NEMP1: variants seen among roughly 807,000 people sequenced by gnomAD.
The protein encoded by NEMP1 is transmembrane protein 194.
A neutral mutation model predicts 53.7 loss-of-function variants in NEMP1; 29 were observed. That is an observed-to-expected ratio of 0.54 (90% confidence interval 0.40 to 0.74). The LOEUF is 0.74. Among genes scored for constraint, NEMP1 ranks in the 30% least tolerant of loss-of-function variants. The pLI is 0.00. For synonymous variants in NEMP1, 193 were observed against 192.9 expected, an observed-to-expected ratio of 1.00 and a Z score of 0.00; for missense variants, 477 against 528.6, an observed-to-expected ratio of 0.90 and a Z score of 0.96.
chr12:57,081,996 A>T (rs1333336741), upstream of NEMP1, among the ~76,000 whole-genome samples: 1 of 152,076 alleles, frequency 6.6e-6, no homozygotes, highest in Non-Finnish European at 1.5e-5. Context: ...AGGCGGGCGA[A>T]TCACGAGATC....
rs1274362481 is a variant in NEMP1 at position 57,070,783 on chromosome 12, T to A, written c.363A>T (p.Lys121Asn). Residue 121 changes from lysine to asparagine, a missense_variant, in exon 3 of 9, where the codon AAA becomes AAT. Coordinates refer to ENST00000300128, the MANE Select transcript of NEMP1 (RefSeq NM_001130963.2). ...SIWNFFSSFL[K>N]EKLNDTYVNV... is the part of the protein sequence containing the mutation. ...TAACATAGGTGTCATTCAATTTCTCTTTTAAAAAGGAGGAAAAAAAGTTCC... is the reference window on the plus strand; with the variant it reads ...TAACATAGGTGTCATTCAATTTCTCATTTAAAAAGGAGGAAAAAAAGTTCC... 1 of 1,612,290 alleles carries A rather than the reference T, an allele frequency of 6.2e-7. No individual in the cohort carries two copies. The highest frequency in any genetic ancestry group is 1.7e-5 in the Admixed American group (1 of 59,956).
upstream of NEMP1, among the ~76,000 whole-genome samples, chr12:57,080,391 C>T (rs2032809849): frequency 6.6e-6 from 1 of 151,910 alleles, no homozygotes. Context: ...CCAGCCTGGC[C>T]AACATGGCAA....
intron 7 of NEMP1, among the ~76,000 whole-genome samples, chr12:57,062,046 A>G (rs2031835855): frequency 6.6e-6 from 1 of 152,228 alleles, no homozygotes; most frequent in Non-Finnish European, 1.5e-5. Context: ...AACTGAAAGC[A>G]TCACCTTGAC....
chr12:57,062,481 A>T (rs766177956), intron 7 of NEMP1, among the ~76,000 whole-genome samples: 1 of 149,828 alleles, frequency 6.7e-6, no homozygotes, highest in Non-Finnish European at 1.5e-5. Flanking sequence ...CTCTGTCTCA[A>T]AAAAAAAATC....
At chr12:57,084,828 A>C (rs2032944336) in intron 1 of NEMP1, among the ~76,000 whole-genome samples, 1 of 152,234 alleles carries the variant, frequency 6.6e-6, no homozygotes, top group South Asian at 2.1e-4. Flanking sequence ...TAGGAATTTG[A>C]CAGAGAAATT....
chr12:57,074,916 C>T (rs557530811), intron 1 of NEMP1, among the ~76,000 whole-genome samples: 2 of 151,842 alleles, frequency 1.3e-5, no homozygotes, highest in African/African-American at 2.4e-5. Context: ...GGTGAAACCC[C>T]GTCTCTACTA....
chr12:57,059,708 CAT>C lies in NEMP1; in HGVS notation c.*169_*170del, dbSNP rs1416068184. 1.7e-6 allele frequency: 1 copy of C among 588,130 alleles called. No homozygotes were observed. The highest frequency in any genetic ancestry group is 1.9e-5 in the African/African-American group (1 of 53,736). The allele number at this position is 588,130 out of a possible 1,614,324, so 36.4% of individuals were successfully genotyped here. A position where few individuals can be genotyped will look rare whatever the true frequency, so the allele number is the denominator to read the frequency against. ...ATCCACTCTCCTTCCTCAGGGATCC[CAT>C]AGAGACCTCCCATTTCCAAAGGGAG... On this transcript the variant is annotated 3_prime_UTR_variant, in exon 9 of 9. Transcript: ENST00000300128.
intron 1 of NEMP1, among the ~76,000 whole-genome samples, chr12:57,084,841 ATATT>A (rs2136531464): frequency 6.6e-6 from 1 of 152,350 alleles, no homozygotes; most frequent in African/African-American, 2.4e-5. Flanking sequence ...GAGAAATTTT[ATATT>A]TATTGAATCT....
At chr12:57,080,135 T>A (rs189083949), upstream of NEMP1, among the ~76,000 whole-genome samples, 313 of 152,314 alleles carry the variant, frequency 2.1e-3, 1 homozygote, top group African/African-American at 6.3e-3. Flanking sequence ...TAATTTTTTT[T>A]AATTACTTTT....
upstream of NEMP1, among the ~76,000 whole-genome samples, chr12:57,082,195 G>A (rs116664662): frequency 4.1e-3 from 620 of 152,252 alleles, 3 homozygotes; most frequent in African/African-American, 0.014. Flanking sequence ...ACTCCAGCCC[G>A]GTGACAGAGT....
intron 1 of NEMP1, among the ~76,000 whole-genome samples, chr12:57,074,927 C>T (rs2032531025): frequency 6.6e-6 from 1 of 151,138 alleles, no homozygotes; most frequent in Non-Finnish European, 1.5e-5. Flanking sequence ...GTCTCTACTA[C>T]AAATACAAAA....
rs1410939564 is a variant in NEMP1 at position 57,067,543 on chromosome 12, C to G, written c.545+1691G>C. ...AAACGGTGTGATAGATTTGCTTGACCCAGGGTTGCCACGAACCTTCAATTT... is the reference window on the plus strand; with the variant it reads ...AAACGGTGTGATAGATTTGCTTGACGCAGGGTTGCCACGAACCTTCAATTT... On this transcript the variant is annotated intron_variant, in intron 4 of 8. Transcript: ENST00000300128. 2.0e-5 allele frequency among the ~76,000 whole-genome samples: 3 copies of G among 152,202 alleles called. No homozygotes were observed. The East Asian group carries it at 5.8e-4, about 29-fold the overall frequency.
At chr12:57,063,402 T>A in intron 6 of NEMP1, 58 bp from the exon 7 acceptor site, 1 of 1,441,948 alleles carries the variant, frequency 6.9e-7, no homozygotes. Flanking sequence ...AAAAATAATT[T>A]GTGTGGGAAG....
intron 6 of NEMP1, 49 bp downstream of exon 6, chr12:57,064,022 G>T (rs771001551): frequency 1.8e-6 from 2 of 1,119,390 alleles, no homozygotes; most frequent in Non-Finnish European, 2.6e-6. Context: ...CAAATTAACT[G>T]AAACAGCCTA....
chr12:57,082,173 C>T (rs1304605867), upstream of NEMP1, among the ~76,000 whole-genome samples: 1 of 151,878 alleles, frequency 6.6e-6, no homozygotes, highest in Non-Finnish European at 1.5e-5. Context: ...GAGCCAAGAT[C>T]AGTGCCACTG....
intron 2 of NEMP1, 134 bp from the exon 3 acceptor site, chr12:57,071,027 G>A (rs2032321779): frequency 1.5e-6 from 1 of 672,042 alleles, no homozygotes; most frequent in South Asian, 2.0e-5. Context: ...AAGCTTATCA[G>A]AAATATAGAA....
chr12:57,075,543 C>T (rs1172940677), intron 1 of NEMP1, among the ~76,000 whole-genome samples: 1 of 142,668 alleles, frequency 7.0e-6, no homozygotes, highest in Non-Finnish European at 1.5e-5. Context: ...AATAGTTGGG[C>T]CCAGGCGTGG....
chr12:57,086,126 G>A (rs1174109490), intron 1 of NEMP1, among the ~76,000 whole-genome samples: 1 of 152,144 alleles, frequency 6.6e-6, no homozygotes, highest in Non-Finnish European at 1.5e-5. Context: ...TGAGTGAGTC[G>A]GATCTGGCCC....
chr12:57,079,767 AT>A (rs200090921), upstream of NEMP1, among the ~76,000 whole-genome samples: 59 of 149,532 alleles, frequency 3.9e-4, no homozygotes, highest in African/African-American at 1.2e-3. Flanking sequence ...CAAAACAAGA[AT>A]TTTTTTTTTT....
Sources: gnomAD v4.1 joint callset for allele counts (sites outside exome capture counted in the v4.1 genomes callset) on GRCh38, gnomAD v4.1.1 for gene constraint, MANE v1.5 for transcripts, NCBI Gene and HGNC (gene_info 2026-07-23, HGNC 2026-07-21) for gene names.